The following GRIK3 variants were observed in gnomAD, a reference collection of about 807,000 sequenced individuals.
The protein encoded by GRIK3 is glutamate ionotropic receptor kainate type subunit 3, also known as glutamate receptor ionotropic, kainate 3.
Under a neutral mutation model 102.5 loss-of-function variants are expected in GRIK3, and 29 were observed. The observed-to-expected ratio is 0.28, with a 90% CI of 0.21 to 0.39. The LOEUF (loss-of-function observed/expected upper bound fraction) is 0.39, where lower values mean the gene tolerates loss of function less well. Ranked by LOEUF, GRIK3 falls within the 10% of genes least tolerant of loss-of-function variation. The pLI is 1.00. For synonymous variants in GRIK3, 511 were observed against 504.9 expected (o/e 1.01, Z -0.16); for missense variants, 908 against 1,252.4 (o/e 0.73, Z 4.15).
At chr1:36,878,084 A>G (rs1372621634) in intron 3 of GRIK3, among the ~76,000 whole-genome samples, 1 of 152,246 alleles carries the variant, frequency 6.6e-6, no homozygotes, top group Non-Finnish European at 1.5e-5. Context: ...AATCCAGTCC[A>G]ATCCAACTCA....
At chr1:36,802,858 A>AC (rs142501185) in intron 15 of GRIK3, among the ~76,000 whole-genome samples, 1,580 of 152,060 alleles carry the variant, frequency 0.01, 30 homozygotes, top group African/African-American at 0.036. Context: ...ACCAGCTGTG[A>AC]CCCTCCAGGC....
chr1:36,920,523 A>AC (rs1641455730), intron 1 of GRIK3, among the ~76,000 whole-genome samples: 1 of 152,014 alleles, frequency 6.6e-6, no homozygotes, highest in East Asian at 1.9e-4. Flanking sequence ...TGCACCTCCC[A>AC]CCAAGCCCTG....
At chr1:36,951,806 G>A (rs1382124952) in intron 1 of GRIK3, among the ~76,000 whole-genome samples, 2 of 151,932 alleles carry the variant, frequency 1.3e-5, no homozygotes, top group African/African-American at 4.8e-5. Flanking sequence ...GAGAGGAGAG[G>A]GCAGAAATGG....
At chr1:36,946,026 C>G (rs1312622106) in intron 1 of GRIK3, among the ~76,000 whole-genome samples, 1 of 152,236 alleles carries the variant, frequency 6.6e-6, no homozygotes, top group Non-Finnish European at 1.5e-5. Context: ...ATGAGAATGA[C>G]TGACAGAAAG....
At position 36,984,151 on chromosome 1, in the gene GRIK3, C is replaced by T. The variant is rs1642279238; in HGVS notation, c.115+49843G>A. ...ACTCAGCCTCGGCAACCACATACCA[C>T]CACTCATGGGCCACACACATGCTTA... is the stretch of plus-strand genomic sequence containing the variant. On this transcript the variant is annotated intron_variant, in intron 1 of 15. Transcript: ENST00000373091. Among the ~76,000 whole-genome samples, 3 of 152,252 alleles carry T rather than the reference C, an allele frequency of 2.0e-5. No individual in the cohort carries two copies. In the South Asian group the frequency reaches 6.2e-4, roughly 31 times the overall value.
chr1:36,843,567 C>T (rs1308454483), intron 9 of GRIK3, among the ~76,000 whole-genome samples: 1 of 152,158 alleles, frequency 6.6e-6, no homozygotes, highest in East Asian at 1.9e-4. Flanking sequence ...TGGCTTGGCT[C>T]TCCTGTCTGT....
chr1:37,000,998 C>G (rs906561313), intron 1 of GRIK3, among the ~76,000 whole-genome samples: 3 of 152,250 alleles, frequency 2.0e-5, no homozygotes, highest in African/African-American at 7.2e-5. Flanking sequence ...TGGTACCTGG[C>G]TACAGAGGTT....
chr1:36,957,506 G>GAGCCTGTGTGCCCCATT, intron 1 of GRIK3, among the ~76,000 whole-genome samples: 1 of 125,030 alleles, frequency 8.0e-6, no homozygotes, highest in Admixed American at 7.7e-5. Flanking sequence ...TGTGCCCCAT[G>GAGCCTGTGTGCCCCATT]ACTCTGTGCC....
At chr1:36,841,677 A>T in intron 10 of GRIK3, 59 bp downstream of exon 10, 1 of 1,413,322 alleles carries the variant, frequency 7.1e-7, no homozygotes, top group East Asian at 2.3e-5. Context: ...TGGTGCAGAC[A>T]GTTCTAGGCC....
At chr1:36,870,327 T>C (rs1000790270) in intron 4 of GRIK3, among the ~76,000 whole-genome samples, 2 of 152,254 alleles carry the variant, frequency 1.3e-5, no homozygotes, top group African/African-American at 4.8e-5. Flanking sequence ...CCCTTAGTCC[T>C]GGCTGACCAC....
At chr1:36,855,320 GC>G (rs1017387863) in intron 7 of GRIK3, among the ~76,000 whole-genome samples, 2 of 152,174 alleles carry the variant, frequency 1.3e-5, no homozygotes, top group African/African-American at 4.8e-5. Context: ...CCTGCGGAAT[GC>G]CCCCAGCACC....
chr1:36,938,966 G>A (rs764262473), intron 1 of GRIK3, among the ~76,000 whole-genome samples: 1 of 152,210 alleles, frequency 6.6e-6, no homozygotes, highest in Non-Finnish European at 1.5e-5. Flanking sequence ...GAGGACACAT[G>A]AGCCAGCACA....
intron 1 of GRIK3, among the ~76,000 whole-genome samples, chr1:36,985,803 G>A (rs1183516188): frequency 6.6e-6 from 1 of 152,188 alleles, no homozygotes; most frequent in Non-Finnish European, 1.5e-5. Flanking sequence ...TCCTGCCACA[G>A]AGTTGTGTGT....
At chr1:36,820,675 C>T (rs940905970) in intron 11 of GRIK3, among the ~76,000 whole-genome samples, 9 of 152,150 alleles carry the variant, frequency 5.9e-5, no homozygotes, top group African/African-American at 1.9e-4. Context: ...GCAGAAGACA[C>T]ATTTTATAAA....
intron 12 of GRIK3, among the ~76,000 whole-genome samples, chr1:36,817,482 C>T (rs55917220): frequency 0.12 from 18,380 of 152,172 alleles, 1,190 homozygotes; most frequent in Non-Finnish European, 0.15. Context: ...GGCCCTTCCC[C>T]AGCACTCACT....
chr1:36,977,841 A>T (rs144221316), intron 1 of GRIK3, among the ~76,000 whole-genome samples: 4 of 152,356 alleles, frequency 2.6e-5, no homozygotes, highest in African/African-American at 7.2e-5. Flanking sequence ...AAAAGGAAAC[A>T]AGCCAATAAA....
At chr1:36,871,671 C>A (rs1388321400) in intron 4 of GRIK3, among the ~76,000 whole-genome samples, 1 of 152,226 alleles carries the variant, frequency 6.6e-6, no homozygotes, top group Non-Finnish European at 1.5e-5. Context: ...TCTCCTCCCC[C>A]TCTGTCACTG....
intron 1 of GRIK3, among the ~76,000 whole-genome samples, chr1:37,012,437 T>C (rs923278696): frequency 1.3e-5 from 2 of 152,188 alleles, no homozygotes; most frequent in African/African-American, 4.8e-5. Flanking sequence ...AGATGTTTTG[T>C]CTACCTGGCA....
chr1:36,878,345 G>T (rs140025400), intron 3 of GRIK3, among the ~76,000 whole-genome samples: 71 of 152,376 alleles, frequency 4.7e-4, no homozygotes, highest in African/African-American at 1.5e-3. Flanking sequence ...CTGCTCTCAA[G>T]GATCTTCTGT....
Sources: allele counts gnomAD v4.1 joint callset (sites outside exome capture counted in the v4.1 genomes callset), GRCh38; gene constraint gnomAD v4.1.1; transcripts MANE v1.5; gene names NCBI Gene and HGNC (gene_info 2026-07-23, HGNC 2026-07-21).